Variants in ELAVL3 observed in about 807,000 individuals in gnomAD.
The protein encoded by ELAVL3 is ELAV like RNA binding protein 3, also known as ELAV-like protein 3.
A neutral mutation model predicts 34.2 loss-of-function variants in ELAVL3; 8 were observed. That is an observed-to-expected ratio of 0.23 (90% CI 0.14 to 0.42). ELAVL3 has a LOEUF of 0.42. ELAVL3 is among the 10% of genes least tolerant of loss of function. The pLI is 1.00. For missense variants in ELAVL3, 273 were observed against 518.8 expected (o/e 0.53, Z 4.60); for synonymous variants, 209 against 222.1 (o/e 0.94, Z 0.53).
intron 3 of ELAVL3, among the ~76,000 whole-genome samples, chr19:11,460,957 G>C (rs1177111500): frequency 5.4e-5 from 8 of 147,486 alleles, no homozygotes; most frequent in African/African-American, 2.0e-4. Flanking sequence ...TTTGAGACCA[G>C]CCTGGACAAT....
In ELAVL3 at chr19:11,480,484, C is replaced by T. The variant is rs1226064093; in HGVS notation, c.9+116G>A. On this transcript the variant is annotated intron_variant, in intron 1 of 6. Transcript: ENST00000359227. This position sits in a 1 kb window ranked among gnomAD's most constrained non-coding sequence, Gnocchi z 6.8. The stretch of plus-strand genomic sequence containing the variant: ...CCGAGGCTTGGTCCTACCCCCCCAA[C>T]CCGGGCCTAGCTAGGCCTGGTCCTA... The T allele has an allele frequency of 8.5e-7, 1 of 1,171,174 alleles. No homozygotes were observed. Among genetic ancestry groups the T allele is most frequent in the East Asian group, 3.2e-5 (1 of 31,660 alleles). 72.5% of individuals were successfully genotyped at this position (1,171,174 alleles called of 1,614,324 possible).
chr19:11,480,800 G>A lies in ELAVL3; in HGVS notation c.-192C>T, dbSNP rs1288823836. The A allele has an allele frequency of 1.4e-5, 6 of 443,626 alleles. No homozygotes were observed. Among genetic ancestry groups the A allele is most frequent in the East Asian group, 3.6e-5 (1 of 27,486 alleles). The allele number at this position is 443,626 out of a possible 1,614,324, so 27.5% of individuals were successfully genotyped here. A position where few individuals can be genotyped will look rare whatever the true frequency, so the allele number is the denominator to read the frequency against. ...GCCCGAACCCGGGGATGCGCGCGCGGATGGCCGGGCCCCGGGGTGGCCTGC... is the reference window on the plus strand; with the variant it reads ...GCCCGAACCCGGGGATGCGCGCGCGAATGGCCGGGCCCCGGGGTGGCCTGC... On this transcript the variant is annotated 5_prime_UTR_variant, in exon 1 of 7. Transcript: ENST00000359227. This position sits in a 1 kb window ranked among gnomAD's most constrained non-coding sequence, Gnocchi z 6.8.
chr19:11,459,998 C>T (rs1970849745), intron 3 of ELAVL3, among the ~76,000 whole-genome samples: 1 of 152,040 alleles, frequency 6.6e-6, no homozygotes. Context: ...CCCAAATGTC[C>T]CCAGTCTGCA....
chr19:11,454,416 G>A lies in ELAVL3; in HGVS notation c.*110C>T, dbSNP rs1007789478. ...GGGACGTGGGGCCCTCGCGTCGTCC[G>A]TGGGGCTGCCTGTGCTGTCTCTCTT... On this transcript the variant is annotated 3_prime_UTR_variant, in exon 7 of 7. Coordinates refer to ENST00000359227, the MANE Select transcript of ELAVL3 (RefSeq NM_001420.4). The surrounding 1 kb of genome is among the most constrained non-coding windows in gnomAD (Gnocchi z 9.2). 42 of 1,124,892 alleles carry A rather than the reference G, an allele frequency of 3.7e-5. 1 individual carries two copies. In the African/African-American group the frequency reaches 4.2e-4, roughly 11 times the overall value. The allele number at this position is 1,124,892 out of a possible 1,614,324, so 69.7% of individuals were successfully genotyped here. A position where few individuals can be genotyped will look rare whatever the true frequency, so the allele number is the denominator to read the frequency against.
intron 3 of ELAVL3, among the ~76,000 whole-genome samples, chr19:11,465,028 CCA>C (rs1352456442): frequency 1.1e-4 from 14 of 127,772 alleles, no homozygotes; most frequent in East Asian, 2.8e-4. Flanking sequence ...CATACACACA[CCA>C]CACACACACC....
rs1971360802 is a variant in ELAVL3 at position 11,480,677 on chromosome 19, G to A, written c.-69C>T. 1.7e-5 allele frequency: 22 copies of A among 1,327,256 alleles called. No homozygotes were observed. Among genetic ancestry groups the A allele is most frequent in the Non-Finnish European group, 1.9e-5 (19 of 1,019,776 alleles). 82.2% of individuals were successfully genotyped at this position (1,327,256 alleles called of 1,614,324 possible). Reference sequence around the variant, plus strand: ...GGGGGTGGTGCACTCCTAGGGGGGCGCCCGATGCTCACGCTGGGGTCCCGC... The same window carrying A: ...GGGGGTGGTGCACTCCTAGGGGGGCACCCGATGCTCACGCTGGGGTCCCGC... On this transcript the variant is annotated 5_prime_UTR_variant, in exon 1 of 7. Coordinates refer to ENST00000359227, the MANE Select transcript of ELAVL3 (RefSeq NM_001420.4). This position sits in a 1 kb window ranked among gnomAD's most constrained non-coding sequence, Gnocchi z 6.8.
intron 1 of ELAVL3, among the ~76,000 whole-genome samples, chr19:11,478,030 G>T (rs1350289454): frequency 6.6e-6 from 1 of 152,048 alleles, no homozygotes; most frequent in African/African-American, 2.4e-5. Flanking sequence ...AGTTTTCATT[G>T]ACCTCCCACA....
intron 1 of ELAVL3, among the ~76,000 whole-genome samples, chr19:11,472,718 G>T (rs1030761260): frequency 6.6e-6 from 1 of 151,610 alleles, no homozygotes; most frequent in Non-Finnish European, 1.5e-5. Flanking sequence ...AGAAAAAGAA[G>T]AAGAAGAAGA....
chr19:11,469,888 T>C (rs1389484663), intron 1 of ELAVL3, among the ~76,000 whole-genome samples: 5 of 151,972 alleles, frequency 3.3e-5, no homozygotes, highest in Non-Finnish European at 7.4e-5. Context: ...CGAAACCCTG[T>C]CTCTACTAAA....
Position 11,466,729 on chromosome 19 carries a change from G to C in ELAVL3, c.108C>G (p.Asp36Glu). ...PLLGTNGATD[D>E]SKTNLIVNYL... ...AGTTGACGATGAGGTTGGTCTTGCT[G>C]TCGTCAGTGGCTCCATTTGTACCAA... The change falls in exon 2 of 7, where the codon GAC (aspartate) becomes GAG (glutamate). Residue 36 changes from aspartate to glutamate, a missense_variant. Physicochemically the swap from Asp to Glu is conservative, Grantham distance 45. This residue lies in a region of ELAVL3 where 102 missense variants were observed against 250.1 expected (regional missense o/e 0.41). Transcript: ENST00000359227. The surrounding 1 kb of genome is among the most constrained non-coding windows in gnomAD (Gnocchi z 5.0). 6.2e-7 allele frequency: 1 copy of C among 1,614,194 alleles called. No homozygotes were observed. The highest frequency in any genetic ancestry group is 8.5e-7 in the Non-Finnish European group (1 of 1,180,032).
chr19:11,464,793 A>T (rs1190294882), intron 3 of ELAVL3, among the ~76,000 whole-genome samples: 1 of 127,808 alleles, frequency 7.8e-6, no homozygotes, highest in Non-Finnish European at 1.6e-5. Context: ...CACACACACC[A>T]CACACACACC....
intron 3 of ELAVL3, among the ~76,000 whole-genome samples, chr19:11,462,162 G>A (rs374355650): frequency 3.2e-4 from 42 of 129,696 alleles, no homozygotes; most frequent in Admixed American, 1.5e-3. Flanking sequence ...GCAACAGAGC[G>A]AGACTCCGTC....
rs1014842491 is a variant in ELAVL3 at position 11,458,888 on chromosome 19, G to A, written c.334-277C>T. On this transcript the variant is annotated intron_variant, in intron 3 of 6. Coordinates refer to ENST00000359227, the MANE Select transcript of ELAVL3 (RefSeq NM_001420.4). The surrounding 1 kb of genome is among the most constrained non-coding windows in gnomAD (Gnocchi z 7.3). ...CTGGGGTGACATGTGACCCCAAAGG[G>A]ATCCTTGAATAGCCGGCTCACATCA... Among the ~76,000 whole-genome samples the A allele has an allele frequency of 6.6e-6, 1 of 151,980 alleles. No homozygotes were observed. Among genetic ancestry groups the A allele is most frequent in the Admixed American group, 6.6e-5 (1 of 15,256 alleles).
Position 11,457,118 on chromosome 19 carries a change from G to T in ELAVL3, c.744C>A (p.Gly248=). 1 of 1,538,174 alleles carries T rather than the reference G, an allele frequency of 6.5e-7. No homozygotes were observed. The highest frequency in any genetic ancestry group is 8.7e-7 in the Non-Finnish European group (1 of 1,150,778). Residue 248 remains glycine, a synonymous_variant, in exon 6 of 7, where the codon GGC becomes GGA. Transcript: ENST00000359227. ...GGCGGGGTCACTGTTACCTCTTGACGCCGTAGGCCATGTTGAGCAAATTGT... is the reference window on the plus strand; with the variant it reads ...GGCGGGGTCACTGTTACCTCTTGACTCCGTAGGCCATGTTGAGCAAATTGT... ...RLDNLLNMAY[G]VKSPLSLIAR...
chr19:11,462,626 A>G (rs1035870960), intron 3 of ELAVL3, among the ~76,000 whole-genome samples: 1 of 150,062 alleles, frequency 6.7e-6, no homozygotes, highest in Non-Finnish European at 1.5e-5. Context: ...ACAGAGCAAG[A>G]TTCCATCTCA....
intron 3 of ELAVL3, among the ~76,000 whole-genome samples, chr19:11,464,925 C>CA (rs1970998597): frequency 7.9e-6 from 1 of 126,514 alleles, no homozygotes; most frequent in East Asian, 2.7e-4. Context: ...CACACACACA[C>CA]CACACATATA....
At chr19:11,471,018 A>T (rs115979535) in intron 1 of ELAVL3, among the ~76,000 whole-genome samples, 7,200 of 152,202 alleles carry the variant, frequency 0.047, 207 homozygotes, top group East Asian at 0.11. Context: ...GCTAATTTTT[A>T]AAAATTTTTT....
intron 1 of ELAVL3, among the ~76,000 whole-genome samples, chr19:11,477,214 T>C (rs1442676070): frequency 6.6e-6 from 1 of 152,224 alleles, no homozygotes; most frequent in Non-Finnish European, 1.5e-5. Context: ...AAGGAAGGTA[T>C]GGCACAGAGG....
chr19:11,456,526 T>C (rs1173963782), intron 6 of ELAVL3, among the ~76,000 whole-genome samples: 3 of 146,112 alleles, frequency 2.1e-5, no homozygotes, highest in Non-Finnish European at 4.5e-5. Flanking sequence ...TGAGATGGAG[T>C]TTCGCTCTTG....
Sources: allele counts gnomAD v4.1 joint callset (sites outside exome capture counted in the v4.1 genomes callset), GRCh38; gene constraint gnomAD v4.1.1; regional missense constraint gnomAD v4.1.1; non-coding constraint Gnocchi (gnomAD v3.1); transcripts MANE v1.5; gene names NCBI Gene and HGNC (gene_info 2026-07-23, HGNC 2026-07-21).